Variants in FRY observed in about 807,000 individuals in gnomAD.
The protein encoded by FRY is protein furry homolog.
Under a neutral mutation model 348.4 loss-of-function variants are expected in FRY, and 128 were observed. The observed-to-expected ratio is 0.37, with a 90% CI of 0.32 to 0.43. FRY has a LOEUF of 0.43. Among genes scored for constraint, FRY ranks in the 20% least tolerant of loss-of-function variants. The pLI, the probability that FRY is intolerant of heterozygous loss-of-function variation, is 1.00. For synonymous variants in FRY, 1,370 were observed against 1,374.7 expected (o/e 1.00, Z 0.08); for missense variants, 2,736 against 3,695.2 (o/e 0.74, Z 6.73).
chr13:32,193,721 G>T (rs1272288360), intron 28 of FRY, among the ~76,000 whole-genome samples: 1 of 151,820 alleles, frequency 6.6e-6, no homozygotes, highest in African/African-American at 2.4e-5. Context: ...GAGTAGCTGG[G>T]ACTACAGGCA....
intron 23 of FRY, among the ~76,000 whole-genome samples, chr13:32,180,321 G>A (rs1266312487): frequency 6.6e-6 from 1 of 151,576 alleles, no homozygotes; most frequent in Non-Finnish European, 1.5e-5. Context: ...TGCAACCTCT[G>A]CCTCCTGGAT....
At chr13:32,086,386 C>G (rs967620792) in intron 2 of FRY, among the ~76,000 whole-genome samples, 4 of 152,178 alleles carry the variant, frequency 2.6e-5, no homozygotes, top group Admixed American at 1.3e-4. Context: ...GGATAGCAGC[C>G]AGGCCATTTT....
At chr13:32,057,732 GGC>G (rs1180154931) in intron 1 of FRY, among the ~76,000 whole-genome samples, 1 of 152,166 alleles carries the variant, frequency 6.6e-6, no homozygotes, top group African/African-American at 2.4e-5. Flanking sequence ...GGCTGAGGCA[GGC>G]AGATCACGAG....
intron 59 of FRY, among the ~76,000 whole-genome samples, chr13:32,290,354 C>T (rs376454681): frequency 1.5e-4 from 23 of 152,076 alleles, no homozygotes; most frequent in African/African-American, 4.8e-4. Context: ...ACTAACGGCT[C>T]ATTTGCCTAG....
intron 13 of FRY, 35 bp from the exon 14 acceptor site, chr13:32,149,713 A>T: frequency 8.1e-7 from 1 of 1,237,172 alleles, no homozygotes; most frequent in Non-Finnish European, 1.2e-6. Flanking sequence ...TTTATATTTT[A>T]ACACTTTCAT....
chr13:32,107,584 A>G (rs1015085306), intron 3 of FRY, among the ~76,000 whole-genome samples: 2 of 152,198 alleles, frequency 1.3e-5, no homozygotes, highest in Non-Finnish European at 2.9e-5. Context: ...CCATGTGCCA[A>G]GCATTATGCC....
At chr13:32,192,985 C>A (rs188180853) in intron 28 of FRY, among the ~76,000 whole-genome samples, 66 of 151,904 alleles carry the variant, frequency 4.3e-4, no homozygotes, top group Non-Finnish European at 8.1e-4. Context: ...TCAAGTGATG[C>A]GCCTGCCTGG....
chr13:32,090,728 T>A (rs1432668229), intron 2 of FRY, among the ~76,000 whole-genome samples: 2 of 152,208 alleles, frequency 1.3e-5, no homozygotes, highest in African/African-American at 4.8e-5. Flanking sequence ...TTTTCTTTTT[T>A]AAAGAATGCC....
At chr13:32,159,238 T>TAA (rs564951363) in intron 16 of FRY, among the ~76,000 whole-genome samples, 1 of 145,680 alleles carries the variant, frequency 6.9e-6, no homozygotes. Context: ...CATCATTTCT[T>TAA]AAAAAAAAAA....
rs752459894 is a variant in FRY at position 32,178,834 on chromosome 13, A to G, written c.2682-10A>G. 6 of 1,595,830 alleles carry G rather than the reference A, an allele frequency of 3.8e-6. No homozygotes were observed. Among genetic ancestry groups the G allele is most frequent in the Admixed American group, 1.7e-5 (1 of 60,008 alleles). On this transcript the variant is annotated splice_polypyrimidine_tract_variant and intron_variant, in intron 21 of 60. Coordinates refer to ENST00000542859, the MANE Select transcript of FRY (RefSeq NM_023037.3). ...TAGTTTCACTCTTGTTTTCGACTCC[A>G]TATTTCTAGTAGCCCAATTAATGCC...
intron 14 of FRY, among the ~76,000 whole-genome samples, chr13:32,151,217 T>A (rs535887606): frequency 9.8e-5 from 15 of 152,396 alleles, no homozygotes; most frequent in Middle Eastern, 3.4e-3. Flanking sequence ...ATAAAATGTA[T>A]TCTTGGTTCT....
chr13:32,274,175 T>C (rs1320138102), intron 55 of FRY, among the ~76,000 whole-genome samples: 1 of 152,042 alleles, frequency 6.6e-6, no homozygotes, highest in East Asian at 1.9e-4. Context: ...CCTCCCCCAT[T>C]ACCCTAAGGA....
chr13:32,227,889 C>T (rs1885672240), intron 39 of FRY, among the ~76,000 whole-genome samples: 3 of 151,868 alleles, frequency 2.0e-5, no homozygotes, highest in South Asian at 4.2e-4. Context: ...GTAGCTGGGA[C>T]TACAGGTGCC....
Position 32,218,843 on chromosome 13 carries a change from C to T in FRY, c.4765+12C>T. On this transcript the variant is annotated intron_variant, in intron 36 of 60. Coordinates refer to ENST00000542859, the MANE Select transcript of FRY (RefSeq NM_023037.3). ...CGATGAAGATAAAAGTAAGTACCAACAGGCTGTGGGCTTTCAGACGGAACG... is the reference window on the plus strand; with the variant it reads ...CGATGAAGATAAAAGTAAGTACCAATAGGCTGTGGGCTTTCAGACGGAACG... 1.3e-6 allele frequency: 2 copies of T among 1,493,244 alleles called. No homozygotes were observed. Among genetic ancestry groups the T allele is most frequent in the Non-Finnish European group, 1.9e-6 (2 of 1,070,112 alleles). 92.5% of individuals were successfully genotyped at this position (1,493,244 alleles called of 1,614,324 possible).
intron 3 of FRY, among the ~76,000 whole-genome samples, chr13:32,110,348 T>C (rs1196505556): frequency 6.6e-6 from 1 of 152,148 alleles, no homozygotes. Flanking sequence ...TACAGACATC[T>C]TTTTACAATA....
At chr13:32,064,526 G>A (rs760312763) in intron 1 of FRY, among the ~76,000 whole-genome samples, 1 of 152,048 alleles carries the variant, frequency 6.6e-6, no homozygotes, top group South Asian at 2.1e-4. Context: ...GTGAAGCTAC[G>A]AGCCATGCCT....
intron 1 of FRY, among the ~76,000 whole-genome samples, chr13:32,074,694 A>G (rs180978464): frequency 6.6e-6 from 1 of 152,382 alleles, no homozygotes; most frequent in East Asian, 1.9e-4. Context: ...CATTATATGC[A>G]AAAAATTTTA....
At chr13:32,271,578 A>G (rs1239763876) in intron 55 of FRY, among the ~76,000 whole-genome samples, 1 of 152,156 alleles carries the variant, frequency 6.6e-6, no homozygotes, top group East Asian at 1.9e-4. Flanking sequence ...CCTGCACACC[A>G]TGAGCCACCT....
Position 32,209,068 on chromosome 13 carries a change from A to G in FRY, c.4234A>G (p.Thr1412Ala), listed in dbSNP as rs749510995. The change falls in exon 32 of 61, where the codon ACG (threonine) becomes GCG (alanine). Residue 1412 changes from threonine to alanine, a missense_variant. Thr to Ala is a moderately conservative substitution (Grantham distance 58). Transcript: ENST00000542859. ...AAATGGCTGGGGCTCTCCAGAAGCC[A>G]CGTCACTGGTCCTGAACAACCTCAT... is the stretch of plus-strand genomic sequence containing the variant. ...RGNGWGSPEATSLVLNNLMYM... is the reference protein window; with the variant it reads ...RGNGWGSPEAASLVLNNLMYM... 29 of 1,613,990 alleles carry G rather than the reference A, an allele frequency of 1.8e-5. No individual in the cohort carries two copies. Among genetic ancestry groups the G allele is most frequent in the African/African-American group, 2.7e-5 (2 of 74,922 alleles).
Sources: allele counts gnomAD v4.1 joint callset (sites outside exome capture counted in the v4.1 genomes callset), GRCh38; gene constraint gnomAD v4.1.1; transcripts MANE v1.5; gene names NCBI Gene and HGNC (gene_info 2026-07-23, HGNC 2026-07-21).